Variants in GCNT2 observed in about 807,000 individuals in gnomAD.
GCNT2 encodes glucosaminyl (N-acetyl) transferase 2 (I blood group).
A neutral mutation model predicts 34.2 loss-of-function variants in GCNT2; 34 were observed. The ratio of observed to expected loss-of-function variants is 1.00; its 90% confidence interval spans 0.76 to 1.32. The LOEUF (loss-of-function observed/expected upper bound fraction) is 1.32, where lower values mean the gene tolerates loss of function less well. Ranked by LOEUF, GCNT2 falls within the 40% of genes most tolerant of loss-of-function variation. The probability of loss-of-function intolerance (pLI) is 0.00; values close to 1 mark genes in which losing one functional copy is unlikely to be tolerated. For missense variants in GCNT2, 584 were observed against 489.4 expected (o/e 1.19, Z -1.82); for synonymous variants, 212 against 188.0 (o/e 1.13, Z -1.04).
chr6:10,530,152 A>G (rs970666664), intron 3 of GCNT2: 13 of 284,018 alleles, frequency 4.6e-5, no homozygotes, highest in Admixed American at 3.8e-4. Context: ...ACTTGAGGTC[A>G]GGAGTTTGAG....
At chr6:10,535,127 T>G (rs540235095) in intron 3 of GCNT2, among the ~76,000 whole-genome samples, 1 of 152,232 alleles carries the variant, frequency 6.6e-6, no homozygotes, top group East Asian at 1.9e-4. Flanking sequence ...GAGGTTGCAA[T>G]GAGCCGAGAT....
At chr6:10,598,696 T>C (rs1341815046) in intron 3 of GCNT2, among the ~76,000 whole-genome samples, 1 of 152,184 alleles carries the variant, frequency 6.6e-6, no homozygotes, top group Non-Finnish European at 1.5e-5. Context: ...GAGTATTTTC[T>C]CGATGTGCCC....
chr6:10,563,318 T>C (rs1763097641), intron 3 of GCNT2, among the ~76,000 whole-genome samples: 2 of 152,224 alleles, frequency 1.3e-5, no homozygotes, highest in African/African-American at 4.8e-5. Flanking sequence ...AATAATAATG[T>C]CACTCTATTA....
Position 10,527,672 on chromosome 6 carries a change from A to G in GCNT2, c.-282+12A>G, listed in dbSNP as rs1434681169. 1 of 152,136 alleles carries G rather than the reference A, an allele frequency of 6.6e-6. No homozygotes were observed. Among genetic ancestry groups the G allele is most frequent in the African/African-American group, 2.4e-5 (1 of 41,410 alleles). The allele number at this position is 152,136 out of a possible 1,614,324, so 9.4% of individuals were successfully genotyped here. A position where few individuals can be genotyped will look rare whatever the true frequency, so the allele number is the denominator to read the frequency against. On this transcript the variant is annotated intron_variant, in intron 2 of 4. Transcript: ENST00000495262. ...ATTTCAAAGGAGAGGTAATTGTGTC[A>G]TTTATTAGAAGTATGAGTGTGGGGT...
chr6:10,584,693 A>C (rs528632149), intron 3 of GCNT2, among the ~76,000 whole-genome samples: 2 of 152,328 alleles, frequency 1.3e-5, no homozygotes, highest in African/African-American at 4.8e-5. Context: ...TACAAAGCAT[A>C]CTGCCTGCAA....
At position 10,556,581 on chromosome 6, in the gene GCNT2, A is replaced by ATGGAAAAACACGTTTCCTG. The variant is rs773702023; in HGVS notation, c.925+26756_925+26774dup. 21 of 1,614,192 alleles carry ATGGAAAAACACGTTTCCTG rather than the reference A, an allele frequency of 1.3e-5. No individual in the cohort carries two copies. The East Asian group carries it at 1.6e-4, about 12-fold the overall frequency. On this transcript the variant is annotated intron_variant, in intron 3 of 4. Transcript: ENST00000495262. ...ACTCAAGTTTGCACATCTTTTATCA[A>ATGGAAAAACACGTTTCCTG]TGGAAAAACACGTTTCCTGTGGAAA...
intron 3 of GCNT2, among the ~76,000 whole-genome samples, chr6:10,562,586 G>A (rs1323160900): frequency 6.7e-6 from 1 of 148,506 alleles, no homozygotes; most frequent in Non-Finnish European, 1.5e-5. Context: ...GCATGGTGGT[G>A]TGCGCCTGTA....
chr6:10,541,996 G>C (rs1280076348), intron 3 of GCNT2, among the ~76,000 whole-genome samples: 1 of 152,178 alleles, frequency 6.6e-6, no homozygotes, highest in East Asian at 1.9e-4. Context: ...ATATCTTTGC[G>C]AGCCTCAACC....
chr6:10,570,727 A>T (rs907775059), intron 3 of GCNT2, among the ~76,000 whole-genome samples: 36 of 152,160 alleles, frequency 2.4e-4, no homozygotes, highest in African/African-American at 6.0e-4. Context: ...TTAGAGTCCA[A>T]ATCCCCTCTT....
intron 4 of GCNT2, 78 bp downstream of exon 4, chr6:10,621,521 C>A: frequency 1.1e-6 from 1 of 889,946 alleles, no homozygotes; most frequent in South Asian, 1.4e-5. Flanking sequence ...CCAGGGTTCT[C>A]ATGGAGAGAG....
intron 3 of GCNT2, among the ~76,000 whole-genome samples, chr6:10,539,346 C>T (rs568095985): frequency 8.6e-5 from 13 of 151,896 alleles, no homozygotes; most frequent in South Asian, 4.2e-4. Flanking sequence ...TGCACTACCA[C>T]GCCTGGCAAA....
chr6:10,525,954 A>C (rs531220344), intron 1 of GCNT2, among the ~76,000 whole-genome samples: 2 of 152,208 alleles, frequency 1.3e-5, no homozygotes, highest in African/African-American at 4.8e-5. Flanking sequence ...TGTCTGGATA[A>C]ATTAGGAGAA....
At chr6:10,543,592 A>G (rs1024405963) in intron 3 of GCNT2, among the ~76,000 whole-genome samples, 38 of 152,028 alleles carry the variant, frequency 2.5e-4, no homozygotes, top group South Asian at 6.2e-4. Context: ...GAGGGTTCCA[A>G]TTTTTTCATA....
intron 3 of GCNT2, among the ~76,000 whole-genome samples, chr6:10,535,784 G>A (rs1303949633): frequency 6.6e-6 from 1 of 152,130 alleles, no homozygotes; most frequent in Non-Finnish European, 1.5e-5. Flanking sequence ...AGGAAGGAGT[G>A]CCAAGGTGTC....
intron 3 of GCNT2, among the ~76,000 whole-genome samples, chr6:10,540,846 A>G (rs1417020150): frequency 2.0e-5 from 3 of 152,010 alleles, no homozygotes; most frequent in South Asian, 2.1e-4. Context: ...ACTTCCACCA[A>G]CTTTTTCAAA....
Position 10,529,802 on chromosome 6 carries a change from C to T in GCNT2, c.891C>T (p.Asp297=), listed in dbSNP as rs150542637. Residue 297 remains aspartate (D), a synonymous_variant, in exon 3 of 5, where the codon GAC becomes GAT. Coordinates refer to ENST00000495262, the MANE Select transcript of GCNT2 (RefSeq NM_145649.5). ...GGTCCAAGGACACCTACAGCCCCGA[C>T]GAACATTTCTGGGTGACACTCAACA... ...LSWSKDTYSP[D]EHFWVTLNRI... is the part of the protein sequence containing the mutation. 1.7e-5 allele frequency: 27 copies of T among 1,613,958 alleles called. No homozygotes were observed. Among genetic ancestry groups the T allele is most frequent in the African/African-American group, 1.3e-4 (10 of 74,938 alleles).
intron 3 of GCNT2, among the ~76,000 whole-genome samples, chr6:10,596,460 G>T (rs1764856057): frequency 6.6e-6 from 1 of 152,024 alleles, no homozygotes; most frequent in Admixed American, 6.6e-5. Context: ...GGCGGAGGTT[G>T]CAGTGAGCTG....
At chr6:10,545,718 G>A (rs1022419585) in intron 3 of GCNT2, among the ~76,000 whole-genome samples, 6 of 152,166 alleles carry the variant, frequency 3.9e-5, no homozygotes, top group Non-Finnish European at 8.8e-5. Flanking sequence ...CCTGGTCTGG[G>A]AGACTCAAGT....
intron 3 of GCNT2, chr6:10,556,851 G>A (rs1001635904): frequency 1.9e-6 from 3 of 1,614,074 alleles, no homozygotes; most frequent in African/African-American, 2.7e-5. Flanking sequence ...CAACTATTAA[G>A]CTGCTTCCCA....
Sources: allele counts gnomAD v4.1 joint callset (sites outside exome capture counted in the v4.1 genomes callset), GRCh38; gene constraint gnomAD v4.1.1; transcripts MANE v1.5; gene names NCBI Gene and HGNC (gene_info 2026-07-23, HGNC 2026-07-21).